The following SYT9 variants were observed in gnomAD, a reference collection of about 807,000 sequenced individuals.
SYT9 encodes the protein synaptotagmin 9, also known as synaptotagmin-9.
In SYT9, 22 loss-of-function variants were observed where a neutral mutation model predicts 48.4. The ratio of observed to expected loss-of-function variants is 0.45; its 90% CI spans 0.32 to 0.65. The LOEUF (loss-of-function observed/expected upper bound fraction) is 0.65, where lower values mean the gene tolerates loss of function less well. SYT9 is among the 30% of genes least tolerant of loss of function. SYT9 has a pLI of 0.03. For missense variants in SYT9, 577 were observed against 622.0 expected (o/e 0.93, Z 0.77); for synonymous variants, 265 against 245.0 (o/e 1.08, Z -0.76).
intron 3 of SYT9, among the ~76,000 whole-genome samples, chr11:7,341,527 C>A (rs963063607): frequency 2.0e-5 from 3 of 152,142 alleles, no homozygotes; most frequent in Non-Finnish European, 2.9e-5. Context: ...CATGCTTTTG[C>A]TCCTCTTTCA....
intron 1 of SYT9, among the ~76,000 whole-genome samples, chr11:7,278,737 A>G (rs541924110): frequency 1.4e-4 from 22 of 152,338 alleles, no homozygotes; most frequent in Middle Eastern, 3.4e-3. Context: ...GGATTAAAAA[A>G]CAAGGAAGAT....
chr11:7,260,029 A>G (rs1430339119), intron 1 of SYT9, among the ~76,000 whole-genome samples: 1 of 151,980 alleles, frequency 6.6e-6, no homozygotes, highest in Non-Finnish European at 1.5e-5. Flanking sequence ...ACCCCACCCT[A>G]CCCTTGTGCA....
intron 1 of SYT9, among the ~76,000 whole-genome samples, chr11:7,292,326 T>G (rs1428896453): frequency 6.6e-6 from 1 of 152,194 alleles, no homozygotes; most frequent in African/African-American, 2.4e-5. Context: ...TTTGAGCCAA[T>G]ACAGTAGTGC....
intron 3 of SYT9, among the ~76,000 whole-genome samples, chr11:7,352,252 G>T (rs1362273518): frequency 3.9e-5 from 6 of 152,140 alleles, no homozygotes; most frequent in African/African-American, 9.7e-5. Context: ...CTCATATTAG[G>T]TTAGAATCTC....
At chr11:7,254,412 C>T (rs1190325815) in intron 1 of SYT9, among the ~76,000 whole-genome samples, 2 of 152,158 alleles carry the variant, frequency 1.3e-5, no homozygotes, top group Non-Finnish European at 2.9e-5. Flanking sequence ...CCCTTCATTT[C>T]CAAATCTCCC....
chr11:7,384,977 T>G (rs1850630424), intron 3 of SYT9, among the ~76,000 whole-genome samples: 1 of 152,134 alleles, frequency 6.6e-6, no homozygotes, highest in Admixed American at 6.6e-5. Context: ...CTCCAGGTCC[T>G]TATTCAAAAG....
intron 3 of SYT9, among the ~76,000 whole-genome samples, chr11:7,378,496 A>G (rs1850497430): frequency 6.6e-6 from 1 of 152,048 alleles, no homozygotes; most frequent in Admixed American, 6.6e-5. Context: ...GTTAGAATGA[A>G]CATGACTTGG....
At chr11:7,451,854 T>C (rs1848058959) in intron 6 of SYT9, among the ~76,000 whole-genome samples, 1 of 152,148 alleles carries the variant, frequency 6.6e-6, no homozygotes, top group Non-Finnish European at 1.5e-5. Flanking sequence ...GATGACACTG[T>C]CTGAACCTCT....
chr11:7,246,178 A>G (rs1380465174), intron 1 of SYT9, among the ~76,000 whole-genome samples: 1 of 152,176 alleles, frequency 6.6e-6, no homozygotes, highest in Non-Finnish European at 1.5e-5. Context: ...GTGCCACAGA[A>G]TGGGTAATAC....
chr11:7,339,296 T>C (rs932408532), intron 3 of SYT9, among the ~76,000 whole-genome samples: 12 of 152,282 alleles, frequency 7.9e-5, no homozygotes, highest in Admixed American at 2.0e-4. Flanking sequence ...GGTCATGCTT[T>C]TTTTATCCAG....
At chr11:7,339,578 C>T (rs1009710792) in intron 3 of SYT9, among the ~76,000 whole-genome samples, 3 of 152,082 alleles carry the variant, frequency 2.0e-5, no homozygotes, top group East Asian at 1.9e-4. Flanking sequence ...ATTTGCTTGT[C>T]GGAAAAGGAT....
chr11:7,282,824 C>T (rs1848523782), intron 1 of SYT9, among the ~76,000 whole-genome samples: 1 of 151,942 alleles, frequency 6.6e-6, no homozygotes, highest in African/African-American at 2.4e-5. Flanking sequence ...TAATTTAAAG[C>T]ATGTTTTCTT....
At chr11:7,339,131 G>A (rs891274321) in intron 3 of SYT9, among the ~76,000 whole-genome samples, 7 of 151,894 alleles carry the variant, frequency 4.6e-5, no homozygotes, top group African/African-American at 1.7e-4. Context: ...TTTGATCTTT[G>A]TTGTTTTAAA....
chr11:7,304,628 T>G (rs572377706), intron 2 of SYT9, among the ~76,000 whole-genome samples: 2 of 152,380 alleles, frequency 1.3e-5, no homozygotes, highest in Non-Finnish European at 2.9e-5. Flanking sequence ...TTCAGAAACT[T>G]ATTTTAGCAT....
chr11:7,425,983 AATTT>A (rs1349552556), intron 6 of SYT9, among the ~76,000 whole-genome samples: 1 of 152,156 alleles, frequency 6.6e-6, no homozygotes, highest in African/African-American at 2.4e-5. Flanking sequence ...AGAAAACATA[AATTT>A]ATTTATTATC....
At chr11:7,367,001 C>T (rs186717036) in intron 3 of SYT9, among the ~76,000 whole-genome samples, 7 of 149,346 alleles carry the variant, frequency 4.7e-5, no homozygotes, top group Non-Finnish European at 3.0e-5. Context: ...ATTCCATGCT[C>T]TGGTGTATAC....
At chr11:7,272,529 A>G (rs1848316623) in intron 1 of SYT9, among the ~76,000 whole-genome samples, 1 of 151,962 alleles carries the variant, frequency 6.6e-6, no homozygotes, top group Admixed American at 6.5e-5. Context: ...AATGCAATCT[A>G]GCTATTCACT....
chr11:7,394,706 C>G (rs1003958502), intron 3 of SYT9, among the ~76,000 whole-genome samples: 1 of 152,090 alleles, frequency 6.6e-6, no homozygotes, highest in African/African-American at 2.4e-5. Context: ...TTAGCCATTT[C>G]TTTTCCTCTG....
At chr11:7,368,843 A>G (rs1347350624) in intron 3 of SYT9, among the ~76,000 whole-genome samples, 5 of 152,090 alleles carry the variant, frequency 3.3e-5, no homozygotes, top group Non-Finnish European at 7.4e-5. Flanking sequence ...ATGTGTCTAT[A>G]TATAAAGAAA....
Sources: allele counts gnomAD v4.1 joint callset (sites outside exome capture counted in the v4.1 genomes callset), GRCh38; gene constraint gnomAD v4.1.1; transcripts MANE v1.5; gene names NCBI Gene and HGNC (gene_info 2026-07-23, HGNC 2026-07-21).